Variants in GOLIM4 observed in about 807,000 individuals in gnomAD.
The protein encoded by GOLIM4 is 130 kDa golgi-localized phosphoprotein.
In GOLIM4, 71 loss-of-function variants were observed where a neutral mutation model predicts 107.4. The ratio of observed to expected loss-of-function variants is 0.66; its 90% confidence interval spans 0.55 to 0.81. GOLIM4 has a LOEUF of 0.81. Among genes scored for constraint, GOLIM4 ranks in the 30% least tolerant of loss-of-function variants. The pLI is 0.00. For synonymous variants in GOLIM4, 327 were observed against 294.8 expected (o/e 1.11, Z -1.12); for missense variants, 830 against 826.1 (o/e 1.00, Z -0.06).
At chr3:168,059,643 C>G (rs1029804026) in intron 1 of GOLIM4, among the ~76,000 whole-genome samples, 1 of 151,980 alleles carries the variant, frequency 6.6e-6, no homozygotes. Flanking sequence ...TTTATTCTCA[C>G]AGAGAGATAT....
chr3:168,050,910 C>CTGT (rs1169256104), intron 1 of GOLIM4, among the ~76,000 whole-genome samples: 1 of 151,038 alleles, frequency 6.6e-6, no homozygotes, highest in African/African-American at 2.4e-5. Context: ...ACAAGGCAGA[C>CTGT]TGTTCATCAC....
intron 2 of GOLIM4, 118 bp from the exon 3 acceptor site, chr3:168,047,117 C>A: frequency 1.9e-6 from 1 of 532,620 alleles, no homozygotes; most frequent in Non-Finnish European, 3.4e-6. Context: ...TTAAAACAAT[C>A]TACTTGGTGA....
intron 1 of GOLIM4, among the ~76,000 whole-genome samples, chr3:168,092,511 C>T (rs1241250838): frequency 6.6e-6 from 1 of 152,158 alleles, no homozygotes; most frequent in African/African-American, 2.4e-5. Flanking sequence ...AATACGCTCA[C>T]TTAACGAACG....
At chr3:168,081,759 T>A (rs1161684982) in intron 1 of GOLIM4, among the ~76,000 whole-genome samples, 1 of 152,176 alleles carries the variant, frequency 6.6e-6, no homozygotes, top group Non-Finnish European at 1.5e-5. Context: ...ATATCATGAA[T>A]ACAAGGCAAT....
intron 1 of GOLIM4, among the ~76,000 whole-genome samples, chr3:168,081,866 T>G (rs1398451150): frequency 6.6e-6 from 1 of 152,136 alleles, no homozygotes; most frequent in East Asian, 1.9e-4. Flanking sequence ...AAAAGCCATT[T>G]AAGTCTCCAA....
Position 168,024,935 on chromosome 3 carries a change from T to C in GOLIM4, c.1784A>G (p.His595Arg). The change falls in exon 13 of 16, where the codon CAT becomes CGT. Residue 595 changes from histidine (H) to arginine (R), a missense_variant. Coordinates refer to ENST00000470487, the MANE Select transcript of GOLIM4 (RefSeq NM_014498.5). Reference protein sequence around the residue: ...QKQENTEVEEHLVMAGNPDQQ... With the variant: ...QKQENTEVEERLVMAGNPDQQ... ...CTCGTGGCATCTGCTTACCACCAAA[T>C]GTTCCTCCACTTCTGTATTCTCTTG... The C allele has an allele frequency of 1.2e-6, 2 of 1,613,710 alleles. No individual in the cohort carries two copies. The highest frequency in any genetic ancestry group is 1.7e-6 in the Non-Finnish European group (2 of 1,179,706).
rs529326894 is a variant in GOLIM4 at position 168,053,007 on chromosome 3, A to C, written c.188-4642T>G. ...TCAGGAGAAAAAGATGAAAATCCAT[A>C]ATACTCATCTCATCTCCTGCTTACT... On this transcript the variant is annotated intron_variant, in intron 1 of 15. Coordinates refer to ENST00000470487, the MANE Select transcript of GOLIM4 (RefSeq NM_014498.5). Among the ~76,000 whole-genome samples the C allele has an allele frequency of 2.6e-5, 4 of 152,328 alleles. No homozygotes were observed. The East Asian group carries it at 7.7e-4, about 29-fold the overall frequency.
chr3:168,008,916 G>A lies in GOLIM4; in HGVS notation c.*1353C>T, dbSNP rs186563412. On this transcript the variant is annotated 3_prime_UTR_variant, in exon 16 of 16. Transcript: ENST00000470487. Reference sequence around the variant, plus strand: ...ACAACTGAACAAAACATTCCTATGCGTACATACACAATCACTCAACTGGAA... The same window carrying A: ...ACAACTGAACAAAACATTCCTATGCATACATACACAATCACTCAACTGGAA... 16 of 151,372 alleles carry A rather than the reference G, an allele frequency of 1.1e-4. No individual in the cohort carries two copies. The East Asian group carries it at 1.5e-3, about 15-fold the overall frequency. 9.4% of individuals were successfully genotyped at this position (151,372 alleles called of 1,614,324 possible).
chr3:168,039,415 C>T (rs1163932416), intron 7 of GOLIM4, among the ~76,000 whole-genome samples: 1 of 151,940 alleles, frequency 6.6e-6, no homozygotes, highest in East Asian at 1.9e-4. Context: ...AGGTGCACAC[C>T]ACCACGCCTG....
intron 1 of GOLIM4, among the ~76,000 whole-genome samples, chr3:168,073,694 G>A (rs1209385858): frequency 6.6e-6 from 1 of 152,182 alleles, no homozygotes; most frequent in African/African-American, 2.4e-5. Context: ...GTACTTGGGT[G>A]GATGGACTAT....
At chr3:168,061,951 T>A (rs113297780) in intron 1 of GOLIM4, among the ~76,000 whole-genome samples, 24 of 152,226 alleles carry the variant, frequency 1.6e-4, no homozygotes, top group Admixed American at 1.6e-3. Context: ...TGTTTACTTA[T>A]GATTCGTGTA....
At position 168,025,059 on chromosome 3, in the gene GOLIM4, G is replaced by T. The variant is rs769239032; in HGVS notation, c.1660C>A (p.Pro554Thr). 6.2e-7 allele frequency: 1 copy of T among 1,613,680 alleles called. No individual in the cohort carries two copies. The highest frequency in any genetic ancestry group is 1.1e-5 in the South Asian group (1 of 91,042). Residue 554 changes from proline to threonine, a missense_variant, in exon 13 of 16, where the codon CCT becomes ACT. Physicochemically the swap from Pro to Thr is conservative, Grantham distance 38. Transcript: ENST00000470487. ...AATTCATCCTCACCTTGATTATTAG[G>T]GTCATCTGCTGGGTTTATATCTTCT... is the stretch of plus-strand genomic sequence containing the variant. ...AVEDINPADD[P>T]NNQGEDEFEE...
intron 1 of GOLIM4, among the ~76,000 whole-genome samples, chr3:168,053,438 G>A (rs1464233404): frequency 6.6e-6 from 1 of 152,162 alleles, no homozygotes; most frequent in African/African-American, 2.4e-5. Context: ...TGGTATGAAA[G>A]TCACACAATT....
Position 168,095,923 on chromosome 3 carries a change from A to C in GOLIM4, c.-638T>G, listed in dbSNP as rs189462663. ...CTTACGTGTCACCCACGGCCCGGCT[A>C]TTCTGGCCAACGGGATTCCGGGAGG... On this transcript the variant is annotated 5_prime_UTR_variant, in exon 1 of 16. Transcript: ENST00000470487. The C allele has an allele frequency of 2.0e-5, 3 of 152,430 alleles. No homozygotes were observed. Among genetic ancestry groups the C allele is most frequent in the South Asian group, 2.1e-4 (1 of 4,838 alleles). 9.4% of individuals were successfully genotyped at this position (152,430 alleles called of 1,614,324 possible).
At chr3:168,043,264 G>T in intron 5 of GOLIM4, 115 bp downstream of exon 5, 1 of 707,966 alleles carries the variant, frequency 1.4e-6, no homozygotes. Context: ...ACTGGTAAAG[G>T]ACCACATGAT....
chr3:168,026,715 T>C (rs1718014292), intron 12 of GOLIM4, among the ~76,000 whole-genome samples: 1 of 152,172 alleles, frequency 6.6e-6, no homozygotes, highest in Non-Finnish European at 1.5e-5. Context: ...TGCTCTCAAG[T>C]ATTAGCCTTT....
chr3:168,077,790 C>T (rs1295689144), intron 1 of GOLIM4, among the ~76,000 whole-genome samples: 1 of 151,944 alleles, frequency 6.6e-6, no homozygotes, highest in Non-Finnish European at 1.5e-5. Flanking sequence ...TTTAAGTTGT[C>T]ACAGAAAGAA....
intron 1 of GOLIM4, among the ~76,000 whole-genome samples, chr3:168,089,968 A>T (rs1721824907): frequency 6.6e-6 from 1 of 152,108 alleles, no homozygotes; most frequent in East Asian, 1.9e-4. Flanking sequence ...AGGTTTAGCC[A>T]TGTTGGCCAG....
chr3:168,009,036 TAC>T lies in GOLIM4; in HGVS notation c.*1231_*1232del, dbSNP rs930404757. The T allele has an allele frequency of 1.6e-4, 25 of 152,110 alleles. No individual in the cohort carries two copies. The highest frequency in any genetic ancestry group is 5.5e-4 in the African/African-American group (23 of 41,458). 9.4% of individuals were successfully genotyped at this position (152,110 alleles called of 1,614,324 possible). On this transcript the variant is annotated 3_prime_UTR_variant, in exon 16 of 16. Transcript: ENST00000470487. ...ATGTTTTTATTAATTTGATTATTAA[TAC>T]AAAACCACACATATATGAATTATAT...
Sources: allele counts gnomAD v4.1 joint callset (sites outside exome capture counted in the v4.1 genomes callset), GRCh38; gene constraint gnomAD v4.1.1; transcripts MANE v1.5; gene names NCBI Gene and HGNC (gene_info 2026-07-23, HGNC 2026-07-21).